Variants in PTPRD observed in about 807,000 individuals in gnomAD.
The protein encoded by PTPRD is protein tyrosine phosphatase receptor type D.
In PTPRD, 34 loss-of-function variants were observed where a neutral mutation model predicts 214.5. The ratio of observed to expected loss-of-function variants is 0.16; its 90% CI spans 0.12 to 0.21. PTPRD has a LOEUF of 0.21. PTPRD is among the 10% of genes least tolerant of loss of function. The probability of loss-of-function intolerance (pLI) is 1.00; values close to 1 mark genes in which losing one functional copy is unlikely to be tolerated. For synonymous variants in PTPRD, 1,128 were observed against 845.7 expected, an observed-to-expected ratio of 1.33 and a Z score of -5.79; for missense variants, 2,545 against 2,398.7, an observed-to-expected ratio of 1.06 and a Z score of -1.27.
At chr9:8,996,393 T>A (rs2099396803) in intron 11 of PTPRD, among the ~76,000 whole-genome samples, 1 of 152,098 alleles carries the variant, frequency 6.6e-6, no homozygotes, top group Non-Finnish European at 1.5e-5. Flanking sequence ...AATGGATGAT[T>A]ACATTTATAT....
intron 5 of PTPRD, among the ~76,000 whole-genome samples, chr9:9,849,012 C>T (rs951329647): frequency 1.3e-5 from 2 of 151,586 alleles, no homozygotes; most frequent in Admixed American, 6.6e-5. Flanking sequence ...TCCAGTTACC[C>T]GAAAAACAGG....
intron 10 of PTPRD, among the ~76,000 whole-genome samples, chr9:9,159,611 T>C (rs2099884590): frequency 6.6e-6 from 1 of 152,146 alleles, no homozygotes; most frequent in Non-Finnish European, 1.5e-5. Flanking sequence ...AGAACTAATA[T>C]TGTTAAAATG....
At chr9:9,702,115 G>T (rs532734218) in intron 7 of PTPRD, among the ~76,000 whole-genome samples, 1 of 151,822 alleles carries the variant, frequency 6.6e-6, no homozygotes, top group Admixed American at 6.6e-5. Flanking sequence ...GCAAGACTCC[G>T]TCTCAAAAGA....
chr9:10,356,820 C>A (rs919768944), intron 2 of PTPRD, among the ~76,000 whole-genome samples: 8 of 151,984 alleles, frequency 5.3e-5, no homozygotes, highest in African/African-American at 1.9e-4. Context: ...GCTGGGATTA[C>A]AGCTGCCTGC....
At chr9:9,405,298 T>C (rs986936037) in intron 8 of PTPRD, among the ~76,000 whole-genome samples, 1 of 152,098 alleles carries the variant, frequency 6.6e-6, no homozygotes, top group Non-Finnish European at 1.5e-5. Context: ...TAACTGAACA[T>C]GGAAAATTGC....
At chr9:9,492,754 C>T (rs895616256) in intron 8 of PTPRD, among the ~76,000 whole-genome samples, 4 of 151,162 alleles carry the variant, frequency 2.6e-5, no homozygotes, top group African/African-American at 9.8e-5. Context: ...TTTATGACAA[C>T]CCTGAGTCAA....
chr9:8,800,668 G>C (rs988822521), intron 11 of PTPRD, among the ~76,000 whole-genome samples: 5 of 152,148 alleles, frequency 3.3e-5, no homozygotes, highest in African/African-American at 1.2e-4. Context: ...CCATAAAAAT[G>C]GGCAACCAGC....
intron 2 of PTPRD, among the ~76,000 whole-genome samples, chr9:10,417,472 A>G (rs2098503000): frequency 6.6e-6 from 1 of 151,928 alleles, no homozygotes; most frequent in Admixed American, 6.6e-5. Flanking sequence ...TTGTAAGTAT[A>G]ACTAAGAAGT....
intron 3 of PTPRD, among the ~76,000 whole-genome samples, chr9:10,221,147 G>A (rs1397502606): frequency 6.7e-6 from 1 of 150,058 alleles, no homozygotes; most frequent in Admixed American, 6.7e-5. Context: ...CCCTATCAAT[G>A]TCTTCCTATA....
intron 10 of PTPRD, among the ~76,000 whole-genome samples, chr9:9,091,750 A>G (rs188428492): frequency 1.6e-4 from 24 of 152,322 alleles, no homozygotes; most frequent in African/African-American, 5.5e-4. Flanking sequence ...ACCAGCCAAT[A>G]TAGTAAAGTC....
rs1404433859 is a variant in PTPRD, at chr9:10,579,282, A to T, written c.-600+33116T>A. 3.9e-5 allele frequency among the ~76,000 whole-genome samples: 6 copies of T among 152,120 alleles called. No homozygotes were observed. The South Asian group carries it at 1.0e-3, about 26-fold the overall frequency. On this transcript the variant is annotated intron_variant, in intron 2 of 45. Coordinates refer to ENST00000381196, the MANE Select transcript of PTPRD (RefSeq NM_002839.4). ...TAGCTTTTTTGCCCTCCCACTCCCC[A>T]TAGTAGTCCCCAGTGTCTATTGTTC...
chr9:9,025,919 T>C (rs1569456416), intron 10 of PTPRD, among the ~76,000 whole-genome samples: 2 of 152,064 alleles, frequency 1.3e-5, no homozygotes, highest in Admixed American at 1.3e-4. Flanking sequence ...ATGTGTTCTT[T>C]TCTAGACACT....
At chr9:8,908,477 C>T (rs2098723822) in intron 11 of PTPRD, among the ~76,000 whole-genome samples, 1 of 152,068 alleles carries the variant, frequency 6.6e-6, no homozygotes, top group African/African-American at 2.4e-5. Flanking sequence ...AATTAAACAG[C>T]ACATTTTTAA....
intron 2 of PTPRD, among the ~76,000 whole-genome samples, chr9:10,508,150 C>T (rs1277864293): frequency 6.6e-6 from 1 of 152,234 alleles, no homozygotes; most frequent in East Asian, 1.9e-4. Flanking sequence ...TGAACAGACA[C>T]TTCTCAAAAG....
At chr9:8,463,399 A>AT (rs1355433274) in intron 32 of PTPRD, among the ~76,000 whole-genome samples, 6 of 150,340 alleles carry the variant, frequency 4.0e-5, no homozygotes, top group Admixed American at 3.3e-4. Context: ...AAGAAACATG[A>AT]TTTTTTATAT....
In PTPRD at chr9:8,765,903, T is replaced by C. The variant is rs545354117; in HGVS notation, c.-103-31957A>G. Among the ~76,000 whole-genome samples the C allele has an allele frequency of 6.6e-5, 10 of 152,260 alleles. No individual in the cohort carries two copies. The East Asian group carries it at 1.9e-3, about 29-fold the overall frequency. On this transcript the variant is annotated intron_variant, in intron 11 of 45. Transcript: ENST00000381196. ...CTTCTGGGCCTCATTTCTTCATCTA[T>C]ACAACAAATATTTTAACCAAAATGA...
At chr9:9,082,211 A>C (rs539479178) in intron 10 of PTPRD, among the ~76,000 whole-genome samples, 1 of 152,234 alleles carries the variant, frequency 6.6e-6, no homozygotes, top group South Asian at 2.1e-4. Flanking sequence ...ATCCTCAATA[A>C]AATACTGGCA....
intron 9 of PTPRD, among the ~76,000 whole-genome samples, chr9:9,210,646 T>G (rs2099947923): frequency 6.6e-6 from 1 of 152,174 alleles, no homozygotes; most frequent in South Asian, 2.1e-4. Context: ...ACTTGGATTA[T>G]TACTTTCATA....
In PTPRD at chr9:10,523,998, C is replaced by T. The variant is rs1372402633; in HGVS notation, c.-600+88400G>A. ...AAGCTAGAAGTCCAAGATGATGGTGCCAACATGGTCAGTTTAAGCTAAGGG... is the reference window on the plus strand; with the variant it reads ...AAGCTAGAAGTCCAAGATGATGGTGTCAACATGGTCAGTTTAAGCTAAGGG... On this transcript the variant is annotated intron_variant, in intron 2 of 45. Transcript: ENST00000381196. Among the ~76,000 whole-genome samples, 5 of 151,960 alleles carry T rather than the reference C, an allele frequency of 3.3e-5. No individual in the cohort carries two copies. In the East Asian group the frequency reaches 9.7e-4, roughly 29 times the overall value.
Sources: allele counts gnomAD v4.1 joint callset (sites outside exome capture counted in the v4.1 genomes callset), GRCh38; gene constraint gnomAD v4.1.1; transcripts MANE v1.5; gene names NCBI Gene and HGNC (gene_info 2026-07-23, HGNC 2026-07-21).